TCF20: variants seen among roughly 807,000 people sequenced by gnomAD.
TCF20 encodes the protein transcription factor 20.
In TCF20, 3 loss-of-function variants were observed where a neutral mutation model predicts 148.6. That is an observed-to-expected ratio of 0.02 (90% CI 0.01 to 0.05). The LOEUF is 0.05. TCF20 is among the 10% of genes least tolerant of loss of function. The probability of loss-of-function intolerance (pLI) is 1.00; values close to 1 mark genes in which losing one functional copy is unlikely to be tolerated. For missense variants in TCF20, 2,350 were observed against 2,429.3 expected (o/e 0.97, Z 0.69); for synonymous variants, 1,049 against 909.5 (o/e 1.15, Z -2.76).
In TCF20 at chr22:42,247,894, T is replaced by A. The variant is rs2839707; in HGVS notation, c.-37+22445A>T. ...CTTCAATTTCCTCACTTAAAATCACTAACTAGAAAGAAAAAATTAATAGTC... is the reference window on the plus strand; with the variant it reads ...CTTCAATTTCCTCACTTAAAATCACAAACTAGAAAGAAAAAATTAATAGTC... On this transcript the variant is annotated intron_variant, in intron 1 of 5. Transcript: ENST00000677622. 7.6e-3 allele frequency among the ~76,000 whole-genome samples: 1,163 copies of A among 152,256 alleles called. 9 individuals carry two copies. Among genetic ancestry groups the A allele is most frequent in the Non-Finnish European group, 0.014 (940 of 68,010 alleles).
chr22:42,191,203 CT>C (rs1413446328), intron 2 of TCF20, among the ~76,000 whole-genome samples: 3 of 152,172 alleles, frequency 2.0e-5, no homozygotes, highest in Admixed American at 6.5e-5. Context: ...AATATGAAGT[CT>C]CATAACTCAG....
intron 1 of TCF20, among the ~76,000 whole-genome samples, chr22:42,319,022 C>A (rs897789918): frequency 2.6e-5 from 4 of 152,182 alleles, no homozygotes; most frequent in African/African-American, 9.7e-5. Context: ...TGTGCCACAC[C>A]TTGTAAGGGG....
chr22:42,215,536 TCTCAG>T (rs2147226102), intron 1 of TCF20, 195 bp from the exon 2 acceptor site: 2 of 653,468 alleles, frequency 3.1e-6, no homozygotes, highest in East Asian at 6.0e-5. Flanking sequence ...AATTGCACGA[TCTCAG>T]CTCAATGCAA....
chr22:42,323,877 G>C (rs891846388), intron 1 of TCF20, among the ~76,000 whole-genome samples: 1 of 125,944 alleles, frequency 7.9e-6, no homozygotes, highest in African/African-American at 2.7e-5. Context: ...TGGTGGTGGT[G>C]GTGGTGATGG....
At chr22:42,261,174 T>TAG (rs1926010053) in intron 1 of TCF20, among the ~76,000 whole-genome samples, 1 of 152,246 alleles carries the variant, frequency 6.6e-6, no homozygotes, top group African/African-American at 2.4e-5. Flanking sequence ...CACGTATCTG[T>TAG]AGTTTGTTCC....
intron 1 of TCF20, among the ~76,000 whole-genome samples, chr22:42,217,326 C>T (rs1172170903): frequency 2.0e-5 from 3 of 152,208 alleles, no homozygotes; most frequent in Non-Finnish European, 2.9e-5. Context: ...ATAGCTTGCT[C>T]TCCTTCCAGT....
chr22:42,212,790 T>C lies in TCF20; in HGVS notation c.2516A>G (p.Tyr839Cys), dbSNP rs751336707. The change falls in exon 2 of 6, where the codon TAT becomes TGT. Residue 839 changes from tyrosine (Y) to cysteine (C), a missense_variant. Transcript: ENST00000677622. ...PEMKQINLTD[Y>C]PIPRKFEIEP... is the part of the protein sequence containing the mutation. ...TATTTCAAACTTTCTGGGAATTGGA[T>C]AGTCAGTCAAATTGATCTGTTTCAT... The C allele has an allele frequency of 4.3e-6, 7 of 1,614,224 alleles. No homozygotes were observed. The highest frequency in any genetic ancestry group is 5.9e-6 in the Non-Finnish European group (7 of 1,180,024).
chr22:42,179,473 G>A, intron 3 of TCF20, 136 bp downstream of exon 3: 1 of 583,374 alleles, frequency 1.7e-6, no homozygotes, highest in South Asian at 2.5e-5. Context: ...TGGGTGGGAA[G>A]TTTTTTTATG....
Position 42,214,014 on chromosome 22 carries a change from T to C in TCF20, c.1292A>G (p.His431Arg), listed in dbSNP as rs563305916. 8 of 1,613,712 alleles carry C rather than the reference T, an allele frequency of 5.0e-6. No individual in the cohort carries two copies. The highest frequency in any genetic ancestry group is 6.8e-6 in the Non-Finnish European group (8 of 1,179,570). Residue 431 changes from histidine (H) to arginine (R), a missense_variant, in exon 2 of 6, where the codon CAT (histidine) becomes CGT (arginine). Physicochemically the swap from His to Arg is conservative, Grantham distance 29 (BLOSUM62 0). Coordinates refer to ENST00000677622, the MANE Select transcript of TCF20 (RefSeq NM_001378418.1). ...TCCAAACCCTTTGAAGCCTGCAGCATGAGAATTAGGACTGGGCATCATTGA... is the reference window on the plus strand; with the variant it reads ...TCCAAACCCTTTGAAGCCTGCAGCACGAGAATTAGGACTGGGCATCATTGA... ...TPSMMPSPNS[H>R]AAGFKGFGLE...
chr22:42,240,362 A>G (rs541081528), intron 1 of TCF20, among the ~76,000 whole-genome samples: 1 of 152,380 alleles, frequency 6.6e-6, no homozygotes, highest in Non-Finnish European at 1.5e-5. Context: ...ACACAGAGAC[A>G]TAAACAATAA....
At chr22:42,325,361 C>G (rs541898637) in intron 1 of TCF20, among the ~76,000 whole-genome samples, 1 of 152,334 alleles carries the variant, frequency 6.6e-6, no homozygotes, top group South Asian at 2.1e-4. Context: ...TGCCCGGTGG[C>G]CCCCACTCAG....
chr22:42,164,368 C>T (rs1320346427), intron 5 of TCF20, among the ~76,000 whole-genome samples: 1 of 152,106 alleles, frequency 6.6e-6, no homozygotes, highest in African/African-American at 2.4e-5. Flanking sequence ...GCGCCCACCA[C>T]CACGCCCGGC....
At chr22:42,200,222 C>A (rs1006750686) in intron 2 of TCF20, among the ~76,000 whole-genome samples, 2 of 152,138 alleles carry the variant, frequency 1.3e-5, no homozygotes, top group Non-Finnish European at 2.9e-5. Context: ...TTCAACCCTT[C>A]TTTCTGTTAT....
chr22:42,294,377 C>CCCAA (rs1264924669), intron 1 of TCF20, among the ~76,000 whole-genome samples: 1 of 152,210 alleles, frequency 6.6e-6, no homozygotes, highest in Admixed American at 6.5e-5. Flanking sequence ...ATAAAGTTCC[C>CCCAA]CTTGAAGGTT....
At chr22:42,168,933 T>A (rs1935956832) in intron 4 of TCF20, among the ~76,000 whole-genome samples, 197 bp from the exon 5 acceptor site, 3 of 151,768 alleles carry the variant, frequency 2.0e-5, no homozygotes, top group Admixed American at 2.0e-4. Context: ...GTTCTAAAAA[T>A]AACATGCAAA....
chr22:42,214,705 G>C lies in TCF20; in HGVS notation c.601C>G (p.Pro201Ala). ...HQPLPQATGQ[P>A]ASSSSHLQPM... ...TGTAGATGGGATGAGCTGGATGCTG[G>C]TTGGCCAGTGGCCTGTGGCAGGGGC... The change falls in exon 2 of 6, where the codon CCA becomes GCA. Residue 201 changes from proline (P) to alanine (A), a missense_variant. Coordinates refer to ENST00000677622, the MANE Select transcript of TCF20 (RefSeq NM_001378418.1). 1 of 1,614,180 alleles carries C rather than the reference G, an allele frequency of 6.2e-7. No individual in the cohort carries two copies. Among genetic ancestry groups the C allele is most frequent in the Non-Finnish European group, 8.5e-7 (1 of 1,180,042 alleles).
chr22:42,266,580 C>T (rs1293443122), intron 1 of TCF20, among the ~76,000 whole-genome samples: 1 of 151,716 alleles, frequency 6.6e-6, no homozygotes, highest in Non-Finnish European at 1.5e-5. Context: ...GAGTTCGAGA[C>T]TGGCCTGGCC....
At chr22:42,311,609 C>T (rs534342785) in intron 1 of TCF20, among the ~76,000 whole-genome samples, 5 of 152,272 alleles carry the variant, frequency 3.3e-5, no homozygotes, top group African/African-American at 7.2e-5. Context: ...AGGGTATGGA[C>T]GGGAATCATG....
chr22:42,298,174 C>T (rs1356753161), intron 1 of TCF20, among the ~76,000 whole-genome samples: 1 of 152,172 alleles, frequency 6.6e-6, no homozygotes, highest in Admixed American at 6.5e-5. Context: ...TTCCCTAGCC[C>T]GGAGGAGGGC....
Sources: gnomAD v4.1 joint callset for allele counts (sites outside exome capture counted in the v4.1 genomes callset) on GRCh38, gnomAD v4.1.1 for gene constraint, MANE v1.5 for transcripts, NCBI Gene and HGNC (gene_info 2026-07-23, HGNC 2026-07-21) for gene names.